Variants in TEX11 observed in about 807,000 individuals in gnomAD.
TEX11 encodes the protein testis-expressed protein 11.
Under a neutral mutation model 84.4 loss-of-function variants are expected in TEX11, and 7 were observed. The ratio of observed to expected loss-of-function variants is 0.08; its 90% CI spans 0.05 to 0.16. The LOEUF (loss-of-function observed/expected upper bound fraction) is 0.16. Among genes scored for constraint, TEX11 ranks in the 10% least tolerant of loss-of-function variants. The pLI, the probability that TEX11 is intolerant of heterozygous loss-of-function variation, is 1.00. For synonymous variants in TEX11, 264 were observed against 222.8 expected (o/e 1.18, Z -1.64); for missense variants, 551 against 660.5 (o/e 0.83, Z 1.82).
intron 12 of TEX11, among the ~76,000 whole-genome samples, chrX:70,724,535 C>T (rs917806499): frequency 9.0e-6 from 1 of 111,333 alleles, no homozygotes; most frequent in African/African-American, 3.3e-5. Flanking sequence ...AAAGCATGTA[C>T]AACATTAAAA....
chrX:70,765,278 C>T (rs1454825428), intron 9 of TEX11, among the ~76,000 whole-genome samples: 1 of 110,877 alleles, frequency 9.0e-6, no homozygotes, highest in Non-Finnish European at 1.9e-5. Flanking sequence ...CCCAGCTACT[C>T]GGGTGGCTGA....
At chrX:70,732,505 A>T (rs2090661391) in intron 11 of TEX11, among the ~76,000 whole-genome samples, 3 of 111,311 alleles carry the variant, frequency 2.7e-5, no homozygotes, top group Middle Eastern at 4.6e-3. Flanking sequence ...TATACACCAA[A>T]AACAGTCAAA....
At chrX:70,761,421 T>C (rs1357907179) in intron 9 of TEX11, among the ~76,000 whole-genome samples, 5 of 111,764 alleles carry the variant, frequency 4.5e-5, no homozygotes, top group Admixed American at 9.5e-5. Context: ...CATGGAACAC[T>C]ATGCAGCCAT....
intron 9 of TEX11, among the ~76,000 whole-genome samples, chrX:70,797,978 T>C (rs2091165122): frequency 1.0e-5 from 1 of 96,629 alleles, no homozygotes; most frequent in African/African-American, 3.8e-5. Flanking sequence ...TCACCACTTC[T>C]ATTCAACATT....
intron 2 of TEX11, among the ~76,000 whole-genome samples, chrX:70,901,127 G>A (rs2091801082): frequency 9.0e-6 from 1 of 110,803 alleles, no homozygotes; most frequent in African/African-American, 3.3e-5. Flanking sequence ...CGGGAGGATC[G>A]CTTGAACCTA....
chrX:70,719,922 G>A (rs976999885), intron 13 of TEX11, among the ~76,000 whole-genome samples: 12 of 111,171 alleles, frequency 1.1e-4, no homozygotes, highest in Admixed American at 2.9e-4. Flanking sequence ...ACTGTTGGTG[G>A]GACTGTAAAC....
chrX:70,809,791 G>A (rs2091241372), intron 8 of TEX11, among the ~76,000 whole-genome samples: 1 of 110,803 alleles, frequency 9.0e-6, no homozygotes, highest in Admixed American at 9.6e-5. Context: ...CTGCCTCCGA[G>A]GTTCAACCCA....
At chrX:70,863,464 C>G (rs1215017981) in intron 4 of TEX11, among the ~76,000 whole-genome samples, 1 of 111,692 alleles carries the variant, frequency 9.0e-6, no homozygotes, top group Non-Finnish European at 1.9e-5. Context: ...CAAACTGCAG[C>G]AGACCTGCAG....
Position 70,636,730 on chromosome X carries a change from C to A in TEX11, c.1484-6995G>T, listed in dbSNP as rs2089579062. Among the ~76,000 whole-genome samples the A allele has an allele frequency of 2.7e-5, 3 of 112,357 alleles. No homozygotes were observed. The Admixed American group carries it at 2.8e-4, about 11-fold the overall frequency. Reference sequence around the variant, plus strand: ...CCAAGCCCAATCCTTCAGACCCAATCAAGAAGTCCACCTCAGTGGATATAG... The same window carrying A: ...CCAAGCCCAATCCTTCAGACCCAATAAAGAAGTCCACCTCAGTGGATATAG... On this transcript the variant is annotated intron_variant, in intron 17 of 29. Transcript: ENST00000374333.
At chrX:70,727,896 A>T (rs894242303) in intron 11 of TEX11, among the ~76,000 whole-genome samples, 1 of 112,104 alleles carries the variant, frequency 8.9e-6, no homozygotes, top group Non-Finnish European at 1.9e-5. Context: ...GAAGTGTGAG[A>T]CATAAAGTTC....
At chrX:70,617,455 C>T (rs1161546928) in intron 20 of TEX11, among the ~76,000 whole-genome samples, 2 of 105,830 alleles carry the variant, frequency 1.9e-5, no homozygotes, top group Non-Finnish European at 3.8e-5. Context: ...ATATACAATA[C>T]ATATATATAC....
At chrX:70,671,695 T>A (rs1041946359) in intron 15 of TEX11, among the ~76,000 whole-genome samples, 1 of 108,594 alleles carries the variant, frequency 9.2e-6, no homozygotes, top group African/African-American at 3.3e-5. Context: ...GGTTTCTACA[T>A]GCTCCTATAA....
chrX:70,768,557 A>G (rs2090954729), intron 9 of TEX11, among the ~76,000 whole-genome samples: 1 of 111,495 alleles, frequency 9.0e-6, no homozygotes. Context: ...AAATAGAAGC[A>G]GGTACATGTT....
intron 20 of TEX11, among the ~76,000 whole-genome samples, chrX:70,618,059 T>C (rs1336991144): frequency 8.9e-6 from 1 of 111,861 alleles, no homozygotes; most frequent in African/African-American, 3.2e-5. Flanking sequence ...TAAAAACAAA[T>C]CATCTTAGCA....
At chrX:70,625,307 C>G (rs1266844259) in intron 18 of TEX11, among the ~76,000 whole-genome samples, 1 of 110,776 alleles carries the variant, frequency 9.0e-6, no homozygotes, top group Non-Finnish European at 1.9e-5. Flanking sequence ...CCTCTTCTGT[C>G]CTCTTTTTCT....
chrX:70,675,670 C>T (rs189660753), intron 15 of TEX11, among the ~76,000 whole-genome samples: 273 of 109,712 alleles, frequency 2.5e-3, no homozygotes, highest in Non-Finnish European at 4.4e-3. Context: ...CGCTCTGTTG[C>T]CCAGGCTGGA....
intron 13 of TEX11, among the ~76,000 whole-genome samples, chrX:70,688,004 A>G (rs977654350): frequency 9.0e-6 from 1 of 111,720 alleles, no homozygotes; most frequent in African/African-American, 3.3e-5. Context: ...GACGTGTAAG[A>G]CAACAAAAAA....
At position 70,538,299 on chromosome X, in the gene TEX11, CA is replaced by C. The variant is rs199537073; in HGVS notation, c.2521-8301del. 9.7e-3 allele frequency among the ~76,000 whole-genome samples: 1,072 copies of C among 110,641 alleles called. 5 individuals carry two copies. Among genetic ancestry groups the C allele is most frequent in the Middle Eastern group, 0.019 (4 of 214 alleles). On this transcript the variant is annotated intron_variant, in intron 28 of 29. Transcript: ENST00000374333. ...ATTTGAGGGAAAGGGAGTGATAGAG[CA>C]AAAGTTGTGTTTTACGGAGATATAT... is the stretch of plus-strand genomic sequence containing the variant.
chrX:70,797,342 T>G (rs985381228), intron 9 of TEX11, among the ~76,000 whole-genome samples: 1 of 111,445 alleles, frequency 9.0e-6, no homozygotes, highest in African/African-American at 3.3e-5. Flanking sequence ...AGGCCTTAAG[T>G]TAACAAACAC....
Sources: allele counts gnomAD v4.1 joint callset (sites outside exome capture counted in the v4.1 genomes callset), GRCh38; gene constraint gnomAD v4.1.1; transcripts MANE v1.5; gene names NCBI Gene and HGNC (gene_info 2026-07-23, HGNC 2026-07-21).